The following TTYH1 variants were observed in gnomAD, a reference collection of about 807,000 sequenced individuals.
TTYH1 encodes protein tweety homolog 1.
A neutral mutation model predicts 61.2 loss-of-function variants in TTYH1; 33 were observed. The observed-to-expected ratio is 0.54, with a 90% confidence interval of 0.41 to 0.72. The LOEUF is 0.72. TTYH1 is among the 30% of genes least tolerant of loss of function. TTYH1 has a pLI of 0.00. For missense variants in TTYH1, 538 were observed against 575.8 expected, an observed-to-expected ratio of 0.93 and a Z score of 0.67; for synonymous variants, 308 against 266.4, an observed-to-expected ratio of 1.16 and a Z score of -1.52.
At position 54,416,993 on chromosome 19, in the gene TTYH1, C is replaced by A; in HGVS notation, c.126+1315C>A. 8.3e-7 allele frequency: 1 copy of A among 1,199,624 alleles called. No individual in the cohort carries two copies. Among genetic ancestry groups the A allele is most frequent in the Non-Finnish European group, 1.1e-6 (1 of 946,342 alleles). The allele number at this position is 1,199,624 out of a possible 1,614,324, so 74.3% of individuals were successfully genotyped here. A position where few individuals can be genotyped will look rare whatever the true frequency, so the allele number is the denominator to read the frequency against. ...TCAGGGTCAGGGTGGCAGGGATGCG[C>A]GGGCAGAGCCCCACAGCCGAGGAGG... On this transcript the variant is annotated intron_variant, in intron 1 of 13. Coordinates refer to ENST00000376530, the MANE Select transcript of TTYH1 (RefSeq NM_020659.4). The surrounding 1 kb of genome is among the most constrained non-coding windows in gnomAD (Gnocchi z 7.0).
At chr19:54,423,803 G>C (rs2083267803) in intron 4 of TTYH1, among the ~76,000 whole-genome samples, 1 of 152,186 alleles carries the variant, frequency 6.6e-6, no homozygotes, top group Admixed American at 6.5e-5. Flanking sequence ...CCTCCGGGGG[G>C]AACCAGCAAG....
chr19:54,419,220 G>GC lies in TTYH1; in HGVS notation c.225dup (p.Glu76ArgfsTer39), dbSNP rs765795892. On this transcript the variant is annotated frameshift_variant, in exon 2 of 14. Coordinates refer to ENST00000376530, the MANE Select transcript of TTYH1 (RefSeq NM_020659.4). LOFTEE classifies it high-confidence loss of function. This position sits in a 1 kb window ranked among gnomAD's most constrained non-coding sequence, Gnocchi z 6.1. ...ACCTCATCCGCTTCTGCTGCTGCCG[G>GC]CCCCCCGAGCCCCCCGGGTCCAAGA... 2 of 1,609,806 alleles carry GC rather than the reference G, an allele frequency of 1.2e-6. No homozygotes were observed. The highest frequency in any genetic ancestry group is 8.5e-7 in the Non-Finnish European group (1 of 1,179,928).
rs1254012922 is a variant in TTYH1 at position 54,430,858 on chromosome 19, C to T, written c.985C>T (p.Leu329=). 9 of 1,613,786 alleles carry T rather than the reference C, an allele frequency of 5.6e-6. No homozygotes were observed. The highest frequency in any genetic ancestry group is 7.6e-6 in the Non-Finnish European group (9 of 1,180,026). The part of the protein sequence containing the change: ...QRALANIHSQ[L]LGLEREAVPQ... ...AGCTCTGGCCAACATCCACTCCCAG[C>T]TGCTGGGCCTGGAGCGAGAAGCTGT... is the stretch of plus-strand genomic sequence containing the variant. Residue 329 remains leucine (L), a synonymous_variant, in exon 9 of 14, where the codon CTG becomes TTG. Transcript: ENST00000376530.
chr19:54,420,553 G>A lies in TTYH1; in HGVS notation c.306-724G>A, dbSNP rs1386612085. On this transcript the variant is annotated intron_variant, in intron 2 of 13. Coordinates refer to ENST00000376530, the MANE Select transcript of TTYH1 (RefSeq NM_020659.4). This position sits in a 1 kb window ranked among gnomAD's most constrained non-coding sequence, Gnocchi z 4.8. ...CCCTCCACTGCGGGACACCGGCCGG[G>A]GGCGGGGACGGGAGGGGTCTGGGGC... 1.3e-5 allele frequency: 2 copies of A among 152,504 alleles called. No homozygotes were observed. The highest frequency in any genetic ancestry group is 3.9e-4 in the East Asian group (2 of 5,144). 9.4% of individuals were successfully genotyped at this position (152,504 alleles called of 1,614,324 possible). A position where few individuals can be genotyped will look rare whatever the true frequency, so the allele number is the denominator to read the frequency against.
intron 4 of TTYH1, among the ~76,000 whole-genome samples, 165 bp downstream of exon 4, chr19:54,422,575 A>T (rs1244237810): frequency 6.6e-6 from 1 of 151,992 alleles, no homozygotes; most frequent in Non-Finnish European, 1.5e-5. Flanking sequence ...AACACCCTGC[A>T]ATGCACAAGA....
rs2083218456 is a variant in TTYH1, at chr19:54,421,614, T to A, written c.417+226T>A. Among the ~76,000 whole-genome samples, 1 of 151,356 alleles carries A rather than the reference T, an allele frequency of 6.6e-6. No homozygotes were observed. The highest frequency in any genetic ancestry group is 6.6e-5 in the Admixed American group (1 of 15,224). The stretch of plus-strand genomic sequence containing the variant: ...CACAGGCCCAGCCCTGGACCTTACC[T>A]GGAACCCCCAAGCCACACAGAAACC... On this transcript the variant is annotated intron_variant, in intron 3 of 13. Coordinates refer to ENST00000376530, the MANE Select transcript of TTYH1 (RefSeq NM_020659.4). The surrounding 1 kb of genome is among the most constrained non-coding windows in gnomAD (Gnocchi z 4.8).
At chr19:54,425,728 T>C (rs563536761) in intron 4 of TTYH1, among the ~76,000 whole-genome samples, 25 of 151,946 alleles carry the variant, frequency 1.6e-4, no homozygotes, top group African/African-American at 5.8e-4. Context: ...TTTTTTTTCA[T>C]TTTTGAGACT....
chr19:54,418,486 A>ATC (rs138244867), intron 1 of TTYH1: 17,408 of 148,876 alleles, frequency 0.12, 1,130 homozygotes, highest in Admixed American at 0.21. Context: ...GCCTCCCTCC[A>ATC]TCTCTCTCTC....
At chr19:54,423,028 A>C (rs1353726056) in intron 4 of TTYH1, among the ~76,000 whole-genome samples, 1 of 149,674 alleles carries the variant, frequency 6.7e-6, no homozygotes, top group Non-Finnish European at 1.5e-5. Context: ...GTCCTCACCC[A>C]TTCACTCACT....
intron 4 of TTYH1, among the ~76,000 whole-genome samples, chr19:54,424,398 C>T (rs943752430): frequency 2.6e-5 from 4 of 152,338 alleles, no homozygotes; most frequent in South Asian, 2.1e-4. Flanking sequence ...GCGGGGCATG[C>T]GCTGAGATTT....
rs1569270364 is a variant in TTYH1, at chr19:54,435,659, C to A, written c.1243C>A (p.Arg415=). Residue 415 remains arginine, a synonymous_variant, in exon 11 of 14, where the codon CGA becomes AGA. Coordinates refer to ENST00000376530, the MANE Select transcript of TTYH1 (RefSeq NM_020659.4). ...GGCCACTGCCCTCTGCAGCCTGCCCCGAGCCTGGGCCCTCTTCCCACCCAG... is the reference window on the plus strand; with the variant it reads ...GGCCACTGCCCTCTGCAGCCTGCCCAGAGCCTGGGCCCTCTTCCCACCCAG... ...ALATALCSLP[R]AWALFPPSDD... The A allele has an allele frequency of 3.1e-6, 5 of 1,610,470 alleles. No individual in the cohort carries two copies. In the Admixed American group the frequency reaches 8.4e-5, roughly 27 times the overall value.
In TTYH1 at chr19:54,436,220, C is replaced by A. The variant is rs570978495; in HGVS notation, c.*42+49C>A. 16 of 1,606,948 alleles carry A rather than the reference C, an allele frequency of 1.0e-5. No individual in the cohort carries two copies. The highest frequency in any genetic ancestry group is 3.3e-5 in the South Asian group (3 of 90,764). On this transcript the variant is annotated intron_variant, in intron 13 of 13. Coordinates refer to ENST00000376530, the MANE Select transcript of TTYH1 (RefSeq NM_020659.4). This position sits in a 1 kb window ranked among gnomAD's most constrained non-coding sequence, Gnocchi z 4.3. ...GCTCCTGCAGCCGGGCCTCTGCCCC[C>A]CTCCCGCCCTCCGAGCTGCTCCAGG...
rs12463051 is a variant in TTYH1, at chr19:54,419,778, G to A, written c.305+472G>A. On this transcript the variant is annotated intron_variant, in intron 2 of 13. Coordinates refer to ENST00000376530, the MANE Select transcript of TTYH1 (RefSeq NM_020659.4). The surrounding 1 kb of genome is among the most constrained non-coding windows in gnomAD (Gnocchi z 6.1). Reference sequence around the variant, plus strand: ...ATGTCTGTCATTCCGTCATTCACCAGCTCATTCATTCGACAACTGTTTATT... The same window carrying A: ...ATGTCTGTCATTCCGTCATTCACCAACTCATTCATTCGACAACTGTTTATT... Among the ~76,000 whole-genome samples the A allele has an allele frequency of 0.27, 40,672 of 152,060 alleles. 5,987 individuals carry two copies. The highest frequency in any genetic ancestry group is 0.4 in the East Asian group (2,055 of 5,172).
intron 4 of TTYH1, among the ~76,000 whole-genome samples, chr19:54,424,896 C>A (rs558857480): frequency 1.3e-5 from 2 of 152,080 alleles, no homozygotes; most frequent in African/African-American, 2.4e-5. Flanking sequence ...GTTGTTACGG[C>A]GGGTCCTTGC....
rs568168487 is a variant in TTYH1, at chr19:54,418,867, A to G, written c.127-261A>G. ...GTTCCTGCTAAAGATTGCACAGCCA[A>G]TGGAGGGCAGAGCAGAATTGGGACC... On this transcript the variant is annotated intron_variant, in intron 1 of 13. Coordinates refer to ENST00000376530, the MANE Select transcript of TTYH1 (RefSeq NM_020659.4). Among the ~76,000 whole-genome samples the G allele has an allele frequency of 2.0e-3, 311 of 152,320 alleles. 3 individuals carry two copies. The highest frequency in any genetic ancestry group is 7.0e-3 in the African/African-American group (290 of 41,582).
In TTYH1 at chr19:54,416,912, GT is replaced by G; in HGVS notation, c.126+1235del. On this transcript the variant is annotated intron_variant, in intron 1 of 13. Transcript: ENST00000376530. The surrounding 1 kb of genome is among the most constrained non-coding windows in gnomAD (Gnocchi z 7.0). ...CCGCACGCGGGGATCCGCGGCCCCA[GT>G]CACCGCCAGAGGCACGGGTTTGGGG... 7.8e-7 allele frequency: 1 copy of G among 1,284,438 alleles called. No individual in the cohort carries two copies. Among genetic ancestry groups the G allele is most frequent in the Non-Finnish European group, 1.0e-6 (1 of 984,926 alleles). The allele number at this position is 1,284,438 out of a possible 1,614,324, so 79.6% of individuals were successfully genotyped here. A position where few individuals can be genotyped will look rare whatever the true frequency, so the allele number is the denominator to read the frequency against.
At chr19:54,423,879 G>A (rs986708627) in intron 4 of TTYH1, among the ~76,000 whole-genome samples, 12 of 152,018 alleles carry the variant, frequency 7.9e-5, no homozygotes, top group African/African-American at 2.9e-4. Flanking sequence ...AATTACAGAG[G>A]GGACCAGGCA....
intron 4 of TTYH1, 32 bp downstream of exon 4, chr19:54,422,442 G>T: frequency 1.4e-6 from 2 of 1,480,206 alleles, no homozygotes; most frequent in Non-Finnish European, 1.8e-6. Flanking sequence ...TCTCTGTGCC[G>T]GCAGCTCTCA....
chr19:54,436,553 C>G lies in TTYH1; in HGVS notation c.*263C>G. 2 of 664,084 alleles carry G rather than the reference C, an allele frequency of 3.0e-6. No homozygotes were observed. The highest frequency in any genetic ancestry group is 3.5e-5 in the South Asian group (2 of 56,362). The allele number at this position is 664,084 out of a possible 1,614,324, so 41.1% of individuals were successfully genotyped here. A position where few individuals can be genotyped will look rare whatever the true frequency, so the allele number is the denominator to read the frequency against. ...CAGCCTCGCCTCGCACCCTTCATCC[C>G]TGGCTGCCGGTCCCATCCTTGGAGG... On this transcript the variant is annotated 3_prime_UTR_variant, in exon 14 of 14. Coordinates refer to ENST00000376530, the MANE Select transcript of TTYH1 (RefSeq NM_020659.4). This position sits in a 1 kb window ranked among gnomAD's most constrained non-coding sequence, Gnocchi z 4.3.
Sources: allele counts gnomAD v4.1 joint callset (sites outside exome capture counted in the v4.1 genomes callset), GRCh38; gene constraint gnomAD v4.1.1; non-coding constraint Gnocchi (gnomAD v3.1); transcripts MANE v1.5; gene names NCBI Gene and HGNC (gene_info 2026-07-23, HGNC 2026-07-21).